Variants in PLEKHA5 observed in about 807,000 individuals in gnomAD.
The protein encoded by PLEKHA5 is pleckstrin homology domain containing A5, also known as pleckstrin homology domain-containing family A member 5.
PLEKHA5 carries 55 observed loss-of-function variants against 181.9 expected under a neutral mutation model. The observed-to-expected ratio is 0.30, with a 90% confidence interval of 0.24 to 0.38. PLEKHA5 has a LOEUF of 0.38. PLEKHA5 is among the 10% of genes least tolerant of loss of function. The pLI, the probability that PLEKHA5 is intolerant of heterozygous loss-of-function variation, is 1.00. For synonymous variants in PLEKHA5, 535 were observed against 529.4 expected (o/e 1.01, Z -0.15); for missense variants, 1,432 against 1,549.5 (o/e 0.92, Z 1.27).
At chr12:19,236,590 A>G (rs373437543) in intron 3 of PLEKHA5, among the ~76,000 whole-genome samples, 80 of 152,262 alleles carry the variant, frequency 5.3e-4, no homozygotes, top group African/African-American at 1.8e-3. Context: ...GAGTCATTTT[A>G]GTTGGGGTGC....
chr12:19,330,164 G>T (rs894115897), intron 20 of PLEKHA5, among the ~76,000 whole-genome samples: 6 of 152,046 alleles, frequency 3.9e-5, no homozygotes, highest in Non-Finnish European at 7.4e-5. Context: ...ATTATATCTA[G>T]AATTTTTAAC....
intron 4 of PLEKHA5, 52 bp from the exon 5 acceptor site, chr12:19,254,993 T>C (rs1045618259): frequency 3.1e-5 from 47 of 1,510,298 alleles, no homozygotes; most frequent in Middle Eastern, 3.5e-4. Flanking sequence ...AGTGTAATTA[T>C]AAAGCGGGTT....
intron 3 of PLEKHA5, among the ~76,000 whole-genome samples, chr12:19,217,088 A>G (rs537154728): frequency 6.6e-6 from 1 of 152,360 alleles, no homozygotes; most frequent in East Asian, 1.9e-4. Context: ...TCAGAATGGC[A>G]ACGCCAAGGA....
rs974384765 is a variant in PLEKHA5, at chr12:19,272,565, C to G, written c.846-1951C>G. Among the ~76,000 whole-genome samples, 4 of 151,956 alleles carry G rather than the reference C, an allele frequency of 2.6e-5. No homozygotes were observed. In the South Asian group the frequency reaches 6.2e-4, roughly 24 times the overall value. On this transcript the variant is annotated intron_variant, in intron 10 of 31. Coordinates refer to ENST00000429027, the MANE Select transcript of PLEKHA5 (RefSeq NM_001256470.2). ...ACCAACCTAGGTGACCAGTGAGACC[C>G]CGTCTCTAAAAAAATTTAAAAATTA...
rs748682343 is a variant in PLEKHA5, at chr12:19,353,967, T to C, written c.3103T>C (p.Leu1035=). 1.6e-5 allele frequency: 25 copies of C among 1,604,552 alleles called. No homozygotes were observed. The South Asian group carries it at 2.1e-4, about 13-fold the overall frequency. The change falls in exon 26 of 32, where the codon TTG becomes CTG. Residue 1035 remains leucine, a synonymous_variant. Transcript: ENST00000429027. ...ESSTIASYVT[L]RKTKKMMDLR... is the part of the protein sequence containing the mutation. ...TTCGACAATAGCTTCCTATGTAACC[T>C]TGAGGAAAACTAAGAAGATGATGGA... is the stretch of plus-strand genomic sequence containing the variant.
At chr12:19,273,915 T>C (rs1479361047) in intron 10 of PLEKHA5, among the ~76,000 whole-genome samples, 1 of 152,246 alleles carries the variant, frequency 6.6e-6, no homozygotes, top group Non-Finnish European at 1.5e-5. Context: ...GCACTTTAAG[T>C]GTTCTGTACT....
chr12:19,259,017 G>A (rs1427711800), intron 6 of PLEKHA5, among the ~76,000 whole-genome samples: 1 of 151,698 alleles, frequency 6.6e-6, no homozygotes, highest in African/African-American at 2.4e-5. Flanking sequence ...TGATCCCTTG[G>A]TTAATTTAGC....
chr12:19,334,316 G>A (rs914893950), intron 20 of PLEKHA5, among the ~76,000 whole-genome samples: 2 of 152,168 alleles, frequency 1.3e-5, no homozygotes, highest in African/African-American at 4.8e-5. Context: ...TCCAGGTTAG[G>A]AAAATTGAAA....
At chr12:19,173,460 C>CA (rs5796791) in intron 3 of PLEKHA5, among the ~76,000 whole-genome samples, 400 of 151,112 alleles carry the variant, frequency 2.6e-3, no homozygotes, top group African/African-American at 9.1e-3. Flanking sequence ...AAGGATTCTC[C>CA]AAAAAAAAAA....
chr12:19,259,239 G>A (rs770765619), intron 6 of PLEKHA5, among the ~76,000 whole-genome samples: 7 of 151,618 alleles, frequency 4.6e-5, no homozygotes, highest in East Asian at 2.0e-4. Flanking sequence ...GTGGTGGTGT[G>A]CATCTGTAGT....
chr12:19,332,791 C>G (rs371934527), intron 20 of PLEKHA5, among the ~76,000 whole-genome samples: 4 of 152,330 alleles, frequency 2.6e-5, no homozygotes, highest in African/African-American at 9.6e-5. Flanking sequence ...TCCCAAGTAG[C>G]TGGGACTACA....
chr12:19,329,472 T>G (rs1338953002), intron 20 of PLEKHA5, among the ~76,000 whole-genome samples: 2 of 152,176 alleles, frequency 1.3e-5, no homozygotes, highest in African/African-American at 2.4e-5. Flanking sequence ...CGTGCCTTTT[T>G]TTGTTTGGCA....
At chr12:19,178,180 G>A (rs2047742997) in intron 3 of PLEKHA5, among the ~76,000 whole-genome samples, 1 of 152,062 alleles carries the variant, frequency 6.6e-6, no homozygotes, top group African/African-American at 2.4e-5. Flanking sequence ...TTTCCTTTGT[G>A]TGCTGTGACG....
chr12:19,334,862 A>C lies in PLEKHA5; in HGVS notation c.2449-1653A>C, dbSNP rs1165724223. ...TATATATATATATATATATATATATATATATATCTCTGTATACGCACACAC... is the reference window on the plus strand; with the variant it reads ...TATATATATATATATATATATATATCTATATATCTCTGTATACGCACACAC... On this transcript the variant is annotated intron_variant, in intron 20 of 31. Coordinates refer to ENST00000429027, the MANE Select transcript of PLEKHA5 (RefSeq NM_001256470.2). Among the ~76,000 whole-genome samples the C allele has an allele frequency of 4.5e-4, 28 of 62,670 alleles. 3 individuals are homozygous for C. The highest frequency in any genetic ancestry group is 6.7e-4 in the African/African-American group (14 of 20,892). 41.1% of individuals were successfully genotyped at this position (62,670 alleles called of 152,430 possible).
intron 7 of PLEKHA5, among the ~76,000 whole-genome samples, chr12:19,265,194 C>T (rs370578495): frequency 2.6e-5 from 4 of 152,146 alleles, no homozygotes; most frequent in African/African-American, 9.7e-5. Context: ...TGAGCATCTA[C>T]CACTGTCATT....
intron 3 of PLEKHA5, among the ~76,000 whole-genome samples, chr12:19,142,998 C>A (rs1393114814): frequency 1.3e-5 from 2 of 152,056 alleles, no homozygotes; most frequent in African/African-American, 4.8e-5. Flanking sequence ...GAATAATATT[C>A]CATCATATTT....
At chr12:19,286,964 C>CA (rs563435759) in intron 12 of PLEKHA5, among the ~76,000 whole-genome samples, 19,423 of 102,402 alleles carry the variant, frequency 0.19, 1,701 homozygotes, top group African/African-American at 0.21. Context: ...GACTCTGCTT[C>CA]AAAAAACAAA....
At chr12:19,137,527 C>A (rs1200902005) in intron 3 of PLEKHA5, among the ~76,000 whole-genome samples, 1 of 152,146 alleles carries the variant, frequency 6.6e-6, no homozygotes, top group Non-Finnish European at 1.5e-5. Flanking sequence ...GAACTATGAT[C>A]TCAGCTTTCA....
intron 3 of PLEKHA5, among the ~76,000 whole-genome samples, chr12:19,170,540 C>T (rs2045651873): frequency 6.6e-6 from 1 of 151,724 alleles, no homozygotes; most frequent in Admixed American, 6.6e-5. Flanking sequence ...ATACTCCTGC[C>T]TCCGGAGTAG....
Sources: gnomAD v4.1 joint callset for allele counts (sites outside exome capture counted in the v4.1 genomes callset) on GRCh38, gnomAD v4.1.1 for gene constraint, MANE v1.5 for transcripts, NCBI Gene and HGNC (gene_info 2026-07-23, HGNC 2026-07-21) for gene names.